SDK2: variants seen among roughly 807,000 people sequenced by gnomAD.
SDK2 encodes the protein sidekick cell adhesion molecule 2.
SDK2 carries 105 observed loss-of-function variants against 253.9 expected under a neutral mutation model. The ratio of observed to expected loss-of-function variants is 0.41; its 90% CI spans 0.35 to 0.49. SDK2 has a LOEUF of 0.49. Among genes scored for constraint, SDK2 ranks in the 20% least tolerant of loss-of-function variants. SDK2 has a pLI of 0.06. For missense variants in SDK2, 2,608 were observed against 3,003.0 expected (o/e 0.87, Z 3.07); for synonymous variants, 1,249 against 1,234.9 (o/e 1.01, Z -0.24).
chr17:73,421,458 G>A (rs2063229368), intron 15 of SDK2, among the ~76,000 whole-genome samples: 1 of 152,110 alleles, frequency 6.6e-6, no homozygotes, highest in South Asian at 2.1e-4. Context: ...TTTCTTGCTA[G>A]AGGTGGCTGC....
intron 18 of SDK2, among the ~76,000 whole-genome samples, chr17:73,411,985 C>CAT (rs1568389030): frequency 3.2e-4 from 4 of 12,470 alleles, no homozygotes; most frequent in Non-Finnish European, 1.3e-3. Context: ...TATATATCTA[C>CAT]GTATATATAT....
At chr17:73,630,634 A>G (rs971476561) in intron 1 of SDK2, among the ~76,000 whole-genome samples, 1 of 152,134 alleles carries the variant, frequency 6.6e-6, no homozygotes, top group African/African-American at 2.4e-5. Context: ...GCAGAGGCCT[A>G]ATCCCTAAAC....
At chr17:73,482,517 G>A (rs944225073) in intron 2 of SDK2, among the ~76,000 whole-genome samples, 4 of 152,254 alleles carry the variant, frequency 2.6e-5, no homozygotes, top group Non-Finnish European at 5.9e-5. Flanking sequence ...TGATCCCCCG[G>A]CCCTGCGGTC....
intron 31 of SDK2, among the ~76,000 whole-genome samples, chr17:73,386,176 T>C (rs2062870449): frequency 6.6e-6 from 1 of 152,190 alleles, no homozygotes; most frequent in Admixed American, 6.5e-5. Context: ...AGACCACTTC[T>C]GCTGCTGCTG....
chr17:73,617,489 A>G (rs2046076197), intron 1 of SDK2, among the ~76,000 whole-genome samples: 1 of 152,074 alleles, frequency 6.6e-6, no homozygotes, highest in African/African-American at 2.4e-5. Context: ...ACTTCAGCCA[A>G]GGTGGGGAGG....
chr17:73,347,033 G>C (rs867011590), intron 44 of SDK2, among the ~76,000 whole-genome samples: 1 of 152,202 alleles, frequency 6.6e-6, no homozygotes, highest in Non-Finnish European at 1.5e-5. Flanking sequence ...ACGTGGCTGA[G>C]TGGCAGCAGC....
intron 12 of SDK2, among the ~76,000 whole-genome samples, chr17:73,430,306 C>A (rs897656198): frequency 1.3e-5 from 2 of 152,198 alleles, no homozygotes; most frequent in African/African-American, 2.4e-5. Context: ...ACTGGCTTAA[C>A]TCAATTCAGG....
chr17:73,570,033 C>T lies in SDK2; in HGVS notation c.65-62436G>A, dbSNP rs1359724647. The stretch of plus-strand genomic sequence containing the variant: ...TGAAGGATGAGGAGCAGGACCTCAG[C>T]GCTCTAACTCTTTCAGGCTTCGGCT... On this transcript the variant is annotated intron_variant, in intron 1 of 44. Transcript: ENST00000392650. This position sits in a 1 kb window ranked among gnomAD's most constrained non-coding sequence, Gnocchi z 4.2. Among the ~76,000 whole-genome samples, 4 of 152,136 alleles carry T rather than the reference C, an allele frequency of 2.6e-5. No homozygotes were observed. Among genetic ancestry groups the T allele is most frequent in the Non-Finnish European group, 4.4e-5 (3 of 68,000 alleles).
chr17:73,477,456 C>G (rs1033970930), intron 2 of SDK2, among the ~76,000 whole-genome samples: 7 of 152,224 alleles, frequency 4.6e-5, no homozygotes, highest in African/African-American at 1.7e-4. Flanking sequence ...TTACACTTGA[C>G]TTTCACTTCT....
At position 73,496,543 on chromosome 17, in the gene SDK2, C is replaced by T. The variant is rs1372966546; in HGVS notation, c.224+10895G>A. On this transcript the variant is annotated intron_variant, in intron 2 of 44. Coordinates refer to ENST00000392650, the MANE Select transcript of SDK2 (RefSeq NM_001144952.2). This position sits in a 1 kb window ranked among gnomAD's most constrained non-coding sequence, Gnocchi z 4.7. Reference sequence around the variant, plus strand: ...CGAAGGGAGTTAGTGAGAGAGGAGGCTGGACAGATGGACAGGACCCGGTGA... The same window carrying T: ...CGAAGGGAGTTAGTGAGAGAGGAGGTTGGACAGATGGACAGGACCCGGTGA... Among the ~76,000 whole-genome samples, 1 of 152,168 alleles carries T rather than the reference C, an allele frequency of 6.6e-6. No individual in the cohort carries two copies. The highest frequency in any genetic ancestry group is 1.5e-5 in the Non-Finnish European group (1 of 68,034).
In SDK2 at chr17:73,570,945, T is replaced by C. The variant is rs2045376842; in HGVS notation, c.65-63348A>G. On this transcript the variant is annotated intron_variant, in intron 1 of 44. Coordinates refer to ENST00000392650, the MANE Select transcript of SDK2 (RefSeq NM_001144952.2). The surrounding 1 kb of genome is among the most constrained non-coding windows in gnomAD (Gnocchi z 4.2). Reference sequence around the variant, plus strand: ...CCCACAGCCTGGGGTCAAGGGTGACTATTGTGAGCCCTGGTCTGGTCCTGA... The same window carrying C: ...CCCACAGCCTGGGGTCAAGGGTGACCATTGTGAGCCCTGGTCTGGTCCTGA... Among the ~76,000 whole-genome samples, 1 of 152,052 alleles carries C rather than the reference T, an allele frequency of 6.6e-6. No homozygotes were observed. The highest frequency in any genetic ancestry group is 2.4e-5 in the African/African-American group (1 of 41,382).
At position 73,379,036 on chromosome 17, in the gene SDK2, A is replaced by G. The variant is rs73345936; in HGVS notation, c.4980+141T>C. ...AAACAGCCAAGGTGGCAGGTGTACC[A>G]CAGAGCCTGAAGGGCCGAGGAGCTG... On this transcript the variant is annotated intron_variant, in intron 36 of 44. Transcript: ENST00000392650. This position sits in a 1 kb window ranked among gnomAD's most constrained non-coding sequence, Gnocchi z 4.5. The G allele has an allele frequency of 0.11, 72,780 of 645,416 alleles. 8,312 individuals are homozygous for G. Among genetic ancestry groups the G allele is most frequent in the African/African-American group, 0.46 (25,573 of 54,996 alleles). The allele number at this position is 645,416 out of a possible 1,614,324, so 40.0% of individuals were successfully genotyped here.
At chr17:73,578,771 C>A (rs2045492562) in intron 1 of SDK2, among the ~76,000 whole-genome samples, 1 of 152,150 alleles carries the variant, frequency 6.6e-6, no homozygotes, top group Admixed American at 6.5e-5. Context: ...GTGGACTCAG[C>A]TTATCCACCC....
Position 73,358,177 on chromosome 17 carries a change from A to C in SDK2, c.5495T>G (p.Ile1832Ser). The part of the protein sequence containing the change: ...EGAPGPPGVP[I>S]IVRYSSAIAI... ...GATGGCAGAGCTGTACCGCACGATG[A>C]TGGGCACGCCAGGCGGTCCTGGGGC... Residue 1832 changes from isoleucine (I) to serine (S), a missense_variant, in exon 40 of 45, where the codon ATC becomes AGC. Ile to Ser is a moderately radical substitution (Grantham distance 142). This residue lies in a region of SDK2 where 1,103 missense variants were observed against 1,143.9 expected (regional missense o/e 0.96). Coordinates refer to ENST00000392650, the MANE Select transcript of SDK2 (RefSeq NM_001144952.2). The C allele has an allele frequency of 6.2e-7, 1 of 1,608,892 alleles. No individual in the cohort carries two copies. Among genetic ancestry groups the C allele is most frequent in the Non-Finnish European group, 8.5e-7 (1 of 1,178,478 alleles).
intron 18 of SDK2, among the ~76,000 whole-genome samples, chr17:73,405,962 A>C (rs1451687866): frequency 2.6e-5 from 4 of 151,846 alleles, no homozygotes; most frequent in Non-Finnish European, 4.4e-5. Flanking sequence ...TGACCTCGTG[A>C]TCCGCCTGCC....
At chr17:73,500,465 A>ATCCTCCCTCCATTCTCCTCCATCCTCCG (rs2063881192) in intron 2 of SDK2, among the ~76,000 whole-genome samples, 2 of 133,928 alleles carry the variant, frequency 1.5e-5, no homozygotes, top group Admixed American at 7.3e-5. Context: ...TCCATCCTCC[A>ATCCTCCCTCCATTCTCCTCCATCCTCCG]TCCATCCTCC....
intron 18 of SDK2, among the ~76,000 whole-genome samples, chr17:73,409,644 A>G (rs1039715911): frequency 6.8e-6 from 1 of 146,590 alleles, no homozygotes; most frequent in Non-Finnish European, 1.5e-5. Flanking sequence ...AAAAAGGAAG[A>G]AAAAAAAAAC....
intron 43 of SDK2, among the ~76,000 whole-genome samples, chr17:73,349,773 G>A (rs567196105): frequency 4.6e-5 from 7 of 152,266 alleles, no homozygotes; most frequent in Middle Eastern, 3.4e-3. Context: ...AAGACAGGAG[G>A]GCATAGCGAT....
In SDK2 at chr17:73,385,875, G is replaced by T; in HGVS notation, c.4541C>A (p.Thr1514Asn). The T allele has an allele frequency of 6.2e-7, 1 of 1,609,000 alleles. No homozygotes were observed. Among genetic ancestry groups the T allele is most frequent in the Non-Finnish European group, 8.5e-7 (1 of 1,178,218 alleles). Residue 1514 changes from threonine to asparagine, a missense_variant, in exon 32 of 45, where the codon ACC becomes AAC. By Grantham distance (65) the Thr-to-Asn change is moderately conservative (BLOSUM62 0). This residue lies in a region of SDK2 where 1,103 missense variants were observed against 1,143.9 expected (regional missense o/e 0.96). Transcript: ENST00000392650. ...APTILSVTPH[T>N]TTSVLIRWQP... ...CCATCGGATTAGCACGGAGGTGGTG[G>T]TGTGGGGCGTCACGGAGAGGATGGT...
Sources: allele counts gnomAD v4.1 joint callset (sites outside exome capture counted in the v4.1 genomes callset), GRCh38; gene constraint gnomAD v4.1.1; regional missense constraint gnomAD v4.1.1; non-coding constraint Gnocchi (gnomAD v3.1); transcripts MANE v1.5; gene names NCBI Gene and HGNC (gene_info 2026-07-23, HGNC 2026-07-21).